Variants in TRMT11 observed in about 807,000 individuals in gnomAD.
The protein encoded by TRMT11 is tRNA methyltransferase 11.
In TRMT11, 53 loss-of-function variants were observed where a neutral mutation model predicts 62.8. The observed-to-expected ratio is 0.84, with a 90% CI of 0.68 to 1.06. The LOEUF (loss-of-function observed/expected upper bound fraction) is 1.06, where lower values mean the gene tolerates loss of function less well. TRMT11 is among the 50% of genes least tolerant of loss of function. The pLI is 0.00. For missense variants in TRMT11, 556 were observed against 553.4 expected, an observed-to-expected ratio of 1.00 and a Z score of -0.05; for synonymous variants, 188 against 190.3, an observed-to-expected ratio of 0.99 and a Z score of 0.10.
At chr6:125,994,297 G>C (rs1455627557) in intron 2 of TRMT11, among the ~76,000 whole-genome samples, 17 of 151,872 alleles carry the variant, frequency 1.1e-4, no homozygotes. Context: ...ATAATTTGGG[G>C]ATGCTGCCTT....
chr6:126,204,628 A>G (rs1778772712), downstream of TRMT11, among the ~76,000 whole-genome samples: 2 of 152,214 alleles, frequency 1.3e-5, no homozygotes, highest in African/African-American at 4.8e-5. Context: ...TAGGTCAATT[A>G]CAGTTTAATA....
the TRMT11 span, among the ~76,000 whole-genome samples, chr6:126,256,082 G>A: frequency 1.3e-5 from 2 of 152,156 alleles, no homozygotes; most frequent in African/African-American, 4.8e-5. Flanking sequence ...CATATCAAAG[G>A]TTGCTTTCTC....
At chr6:126,089,354 C>T (rs549145549) in intron 17 of TRMT11, among the ~76,000 whole-genome samples, 7 of 152,242 alleles carry the variant, frequency 4.6e-5, no homozygotes, top group South Asian at 4.2e-4. Flanking sequence ...CCTCGGGATC[C>T]GCCTGTCTCG....
intron 21 of TRMT11, among the ~76,000 whole-genome samples, chr6:126,143,273 T>G (rs796913723): frequency 3.4e-4 from 52 of 152,262 alleles, no homozygotes; most frequent in African/African-American, 1.3e-3. Flanking sequence ...ATGAAACAAC[T>G]AAGAGTAGCT....
At chr6:126,245,904 C>T in the TRMT11 span, among the ~76,000 whole-genome samples, 1 of 151,906 alleles carries the variant, frequency 6.6e-6, no homozygotes, top group Non-Finnish European at 1.5e-5. Context: ...TCAAGACCAG[C>T]TTAGGCAACA....
Position 126,077,878 on chromosome 6 carries a change from A to G in TRMT11, c.*1437+24688A>G, listed in dbSNP as rs781479875. On this transcript the variant is annotated intron_variant and NMD_transcript_variant, in intron 17 of 22. Transcript: ENST00000648977. ...AACTCTCAGAAAAGAGGCTGCAATCATAAATATGGTGAGAGTCAGAGATCC... is the reference window on the plus strand; with the variant it reads ...AACTCTCAGAAAAGAGGCTGCAATCGTAAATATGGTGAGAGTCAGAGATCC... 3.3e-5 allele frequency among the ~76,000 whole-genome samples: 5 copies of G among 152,210 alleles called. No homozygotes were observed. In the East Asian group the frequency reaches 9.6e-4, roughly 29 times the overall value.
At chr6:126,186,506 A>G (rs574391485) in intron 1 of TRMT11, among the ~76,000 whole-genome samples, 2 of 152,302 alleles carry the variant, frequency 1.3e-5, no homozygotes, top group East Asian at 3.9e-4. Flanking sequence ...AAGCAATGTA[A>G]TATTTTGGTT....
downstream of TRMT11, among the ~76,000 whole-genome samples, chr6:126,041,669 A>G (rs2128089664): frequency 6.6e-6 from 1 of 152,302 alleles, no homozygotes. Flanking sequence ...TAATAGTTCT[A>G]ACAGGAAAAA....
At chr6:126,100,456 G>C (rs1460741842) in intron 17 of TRMT11, among the ~76,000 whole-genome samples, 1 of 152,096 alleles carries the variant, frequency 6.6e-6, no homozygotes, top group Admixed American at 6.5e-5. Flanking sequence ...TCGTTATTGT[G>C]TTAGGAGTCT....
chr6:126,191,563 C>G (rs1778601004), intron 1 of TRMT11, among the ~76,000 whole-genome samples: 1 of 143,974 alleles, frequency 6.9e-6, no homozygotes, highest in African/African-American at 2.5e-5. Flanking sequence ...TTCTTTTAAT[C>G]ATATTATAGT....
chr6:126,209,165 AT>A, the TRMT11 span, among the ~76,000 whole-genome samples: 1 of 152,268 alleles, frequency 6.6e-6, no homozygotes, highest in South Asian at 2.1e-4. Flanking sequence ...ATCATAGCAA[AT>A]TTTAATCTCA....
At chr6:126,101,306 A>G (rs1184586356) in intron 17 of TRMT11, among the ~76,000 whole-genome samples, 2 of 152,212 alleles carry the variant, frequency 1.3e-5, no homozygotes, top group Admixed American at 6.5e-5. Flanking sequence ...AATTAATAAT[A>G]ACTTTGAAAT....
chr6:126,217,086 CTTTT>C, the TRMT11 span, among the ~76,000 whole-genome samples: 12 of 152,106 alleles, frequency 7.9e-5, no homozygotes, highest in Non-Finnish European at 1.6e-4. Context: ...CTGCTTGATT[CTTTT>C]TAATTATTTA....
At chr6:126,090,429 A>G (rs1290491922) in intron 17 of TRMT11, among the ~76,000 whole-genome samples, 2 of 152,222 alleles carry the variant, frequency 1.3e-5, no homozygotes, top group African/African-American at 2.4e-5. Context: ...TTAGATTTCT[A>G]CTACATTTGA....
downstream of TRMT11, among the ~76,000 whole-genome samples, chr6:126,203,649 G>T (rs991969818): frequency 2.0e-5 from 3 of 152,132 alleles, no homozygotes; most frequent in African/African-American, 7.2e-5. Flanking sequence ...ATGCAAAGCT[G>T]TTACGTACAA....
At chr6:126,115,514 A>AAT (rs1777577066) in intron 20 of TRMT11, among the ~76,000 whole-genome samples, 1 of 152,126 alleles carries the variant, frequency 6.6e-6, no homozygotes, top group African/African-American at 2.4e-5. Context: ...TAGCCCTCAA[A>AAT]ATATGTTCAT....
At chr6:126,250,556 C>T in the TRMT11 span, among the ~76,000 whole-genome samples, 2 of 152,080 alleles carry the variant, frequency 1.3e-5, no homozygotes, top group African/African-American at 4.8e-5. Context: ...TCTTTGTTCT[C>T]CTTTTCATTT....
chr6:126,088,233 C>CT (rs1777236506), intron 17 of TRMT11, among the ~76,000 whole-genome samples: 1 of 152,096 alleles, frequency 6.6e-6, no homozygotes, highest in African/African-American at 2.4e-5. Context: ...TTATTTTCCT[C>CT]TTTCAAAACT....
chr6:126,225,541 T>G, the TRMT11 span, among the ~76,000 whole-genome samples: 1 of 152,066 alleles, frequency 6.6e-6, no homozygotes, highest in African/African-American at 2.4e-5. Flanking sequence ...GGAGATGCTC[T>G]TCCCGGCTGC....
Sources: allele counts gnomAD v4.1 joint callset (sites outside exome capture counted in the v4.1 genomes callset), GRCh38; gene constraint gnomAD v4.1.1; transcripts MANE v1.5; gene names NCBI Gene and HGNC (gene_info 2026-07-23, HGNC 2026-07-21).